Variants in ANKRD26 observed in about 807,000 individuals in gnomAD.
The protein encoded by ANKRD26 is ankyrin repeat domain 26.
In ANKRD26, 141 loss-of-function variants were observed where a neutral mutation model predicts 208.7. That is an observed-to-expected ratio of 0.68 (90% confidence interval 0.59 to 0.78). ANKRD26 has a LOEUF of 0.78. Ranked by LOEUF, ANKRD26 falls within the 30% of genes least tolerant of loss-of-function variation. ANKRD26 has a pLI of 0.00. For missense variants in ANKRD26, 1,889 were observed against 1,938.7 expected (o/e 0.97, Z 0.48); for synonymous variants, 636 against 660.4 (o/e 0.96, Z 0.57).
chr10:26,960,936 T>C, the ANKRD26 span, among the ~76,000 whole-genome samples: 2 of 152,108 alleles, frequency 1.3e-5, no homozygotes, highest in Non-Finnish European at 2.9e-5. Context: ...ATAAAATTTC[T>C]GGCTGGGCAC....
At chr10:27,097,680 C>G (rs865888423) in intron 1 of ANKRD26, among the ~76,000 whole-genome samples, 2 of 151,646 alleles carry the variant, frequency 1.3e-5, no homozygotes, top group Non-Finnish European at 2.9e-5. Flanking sequence ...GATGGAGTCT[C>G]GCTCTGTCAC....
At chr10:27,082,963 A>G in intron 5 of ANKRD26, 130 bp from the exon 6 acceptor site, 1 of 1,265,842 alleles carries the variant, frequency 7.9e-7, no homozygotes, top group Non-Finnish European at 1.1e-6. Flanking sequence ...AATAGAATTA[A>G]TATCCTCTAT....
intron 6 of ANKRD26, among the ~76,000 whole-genome samples, chr10:27,079,835 A>G (rs2055836970): frequency 6.6e-6 from 1 of 151,846 alleles, no homozygotes; most frequent in Non-Finnish European, 1.5e-5. Flanking sequence ...CCTGGGTGAC[A>G]CAGCAAGACA....
At chr10:26,984,296 A>G (rs1437632515) in intron 3 of ANKRD26, among the ~76,000 whole-genome samples, 4 of 152,214 alleles carry the variant, frequency 2.6e-5, no homozygotes, top group African/African-American at 9.7e-5. Flanking sequence ...AGCTGTCAAC[A>G]ACAGCTGTTA....
At chr10:27,034,698 G>A (rs925226397) in intron 24 of ANKRD26, 98 bp downstream of exon 24, 1 of 755,644 alleles carries the variant, frequency 1.3e-6, no homozygotes, top group African/African-American at 1.8e-5. Flanking sequence ...GAGTAAATAA[G>A]CTTATCTATT....
At chr10:27,051,269 T>C (rs2054649395) in intron 16 of ANKRD26, 2 of 1,289,572 alleles carry the variant, frequency 1.6e-6, no homozygotes, top group Non-Finnish European at 2.0e-6. Flanking sequence ...GATCATATAA[T>C]GGCTTCTGGA....
At chr10:26,995,178 A>G (rs1394427672) in intron 4 of ANKRD26, 1 of 471,154 alleles carries the variant, frequency 2.1e-6, no homozygotes, top group South Asian at 1.5e-5. Flanking sequence ...TAAGGTAATT[A>G]CACTGGGATA....
intron 4 of ANKRD26, among the ~76,000 whole-genome samples, chr10:26,995,731 C>G (rs2052577062): frequency 6.6e-6 from 1 of 152,154 alleles, no homozygotes; most frequent in Non-Finnish European, 1.5e-5. Flanking sequence ...TTGGGGTGAA[C>G]ACAGTTGACA....
At chr10:26,981,496 G>A (rs575294332) in intron 4 of ANKRD26, among the ~76,000 whole-genome samples, 103 of 152,194 alleles carry the variant, frequency 6.8e-4, no homozygotes, top group African/African-American at 2.4e-3. Flanking sequence ...AGGGCTGTGT[G>A]TCCTGGACCA....
downstream of ANKRD26, among the ~76,000 whole-genome samples, chr10:26,969,267 T>G (rs1175948188): frequency 6.6e-6 from 1 of 152,154 alleles, no homozygotes; most frequent in Non-Finnish European, 1.5e-5. Context: ...TCTCTGTGTA[T>G]AGAGGTTTTA....
At chr10:26,957,904 C>T in the ANKRD26 span, among the ~76,000 whole-genome samples, 7 of 152,058 alleles carry the variant, frequency 4.6e-5, no homozygotes, top group Non-Finnish European at 1.0e-4. Context: ...CAAAGTAATA[C>T]AAGCCATTAG....
At position 27,100,188 on chromosome 10, in the gene ANKRD26, G is replaced by C; in HGVS notation, c.139C>G (p.Leu47Val). 1.2e-6 allele frequency: 2 copies of C among 1,613,996 alleles called. No individual in the cohort carries two copies. The highest frequency in any genetic ancestry group is 1.7e-6 in the Non-Finnish European group (2 of 1,179,968). The change falls in exon 1 of 34, where the codon CTC becomes GTC. Residue 47 changes from leucine to valine, a missense_variant. Leu to Val is a conservative substitution (Grantham distance 32). Coordinates refer to ENST00000376087, the MANE Select transcript of ANKRD26 (RefSeq NM_014915.3). ...CTGGCAGCTTTGTGGATCTTGCCGA[G>C]ATCTCGGTCTCGGACGTGGTAGCCG... ...QPGYHVRDRD[L>V]GKIHKAASAG...
intron 29 of ANKRD26, among the ~76,000 whole-genome samples, chr10:27,018,042 G>A (rs964578490): frequency 1.3e-5 from 2 of 151,624 alleles, no homozygotes; most frequent in African/African-American, 4.9e-5. Context: ...CTTGATCTTC[G>A]ACTTGTATTT....
At chr10:26,960,278 A>G in the ANKRD26 span, among the ~76,000 whole-genome samples, 1 of 152,214 alleles carries the variant, frequency 6.6e-6, no homozygotes, top group African/African-American at 2.4e-5. Context: ...CTTTTAAGAG[A>G]ACCGGCAGCT....
intron 20 of ANKRD26, among the ~76,000 whole-genome samples, chr10:27,041,313 T>A (rs1359948884): frequency 6.6e-6 from 1 of 151,988 alleles, no homozygotes; most frequent in Non-Finnish European, 1.5e-5. Flanking sequence ...AAACAGTGCA[T>A]GTATGCTAGG....
chr10:26,953,231 C>A, the ANKRD26 span, among the ~76,000 whole-genome samples: 3 of 152,032 alleles, frequency 2.0e-5, no homozygotes, highest in Non-Finnish European at 4.4e-5. Context: ...TCGAGACCAG[C>A]CTAGGCAACA....
intron 29 of ANKRD26, among the ~76,000 whole-genome samples, chr10:27,020,811 G>A (rs892667647): frequency 1.3e-5 from 2 of 151,918 alleles, no homozygotes; most frequent in African/African-American, 2.4e-5. Context: ...GGCGTGTGCC[G>A]CTATGTCCAG....
intron 1 of ANKRD26, 92 bp downstream of exon 1, chr10:27,099,993 G>A: frequency 1.9e-6 from 3 of 1,594,754 alleles, no homozygotes; most frequent in East Asian, 2.2e-5. Context: ...GCGGGAGGCT[G>A]ATCCAGGCCC....
In ANKRD26 at chr10:27,037,299, G is replaced by C. The variant is rs74128547; in HGVS notation, c.2584C>G (p.Gln862Glu). ...TTCTGTTCTCGAGAAAGTTGCCTCT[G>C]AGCGTCATTTCGCTCTTGAACGACC... ...NQVVQERNDA[Q>E]RQLSREQNAR... Residue 862 changes from glutamine (Q) to glutamate (E), a missense_variant, in exon 23 of 34, where the codon CAG becomes GAG. This residue lies in a region of ANKRD26 where 1,272 missense variants were observed against 1,273.8 expected (regional missense o/e 1.00). Coordinates refer to ENST00000376087, the MANE Select transcript of ANKRD26 (RefSeq NM_014915.3). 4.9e-4 allele frequency: 795 copies of C among 1,613,844 alleles called. 5 individuals carry two copies. In the African/African-American group the frequency reaches 8.5e-3, roughly 17 times the overall value.
Sources: allele counts gnomAD v4.1 joint callset (sites outside exome capture counted in the v4.1 genomes callset), GRCh38; gene constraint gnomAD v4.1.1; regional missense constraint gnomAD v4.1.1; transcripts MANE v1.5; gene names NCBI Gene and HGNC (gene_info 2026-07-23, HGNC 2026-07-21).